PTGER3: variants seen among roughly 807,000 people sequenced by gnomAD.
PTGER3 encodes prostaglandin E receptor 3.
Under a neutral mutation model 34.7 loss-of-function variants are expected in PTGER3, and 22 were observed. The ratio of observed to expected loss-of-function variants is 0.63; its 90% CI spans 0.45 to 0.91. The LOEUF (loss-of-function observed/expected upper bound fraction) is 0.91, where lower values mean the gene tolerates loss of function less well. Among genes scored for constraint, PTGER3 ranks in the 40% least tolerant of loss-of-function variants. PTGER3 has a pLI of 0.00. For synonymous variants in PTGER3, 241 were observed against 230.1 expected, an observed-to-expected ratio of 1.05 and a Z score of -0.43; for missense variants, 468 against 519.4, an observed-to-expected ratio of 0.90 and a Z score of 0.96.
chr1:71,026,340 T>C (rs917471360), intron 1 of PTGER3, among the ~76,000 whole-genome samples: 20 of 152,172 alleles, frequency 1.3e-4, no homozygotes, highest in Non-Finnish European at 2.9e-5. Flanking sequence ...AAGCAACACA[T>C]AGGTGGCAGC....
chr1:70,969,307 C>T (rs971632044), downstream of PTGER3, among the ~76,000 whole-genome samples: 1 of 152,144 alleles, frequency 6.6e-6, no homozygotes, highest in African/African-American at 2.4e-5. Context: ...ATGACAACAA[C>T]CACTAACATG....
At chr1:70,953,103 TAAC>T (rs761910716) in intron 3 of PTGER3, 562 of 1,474,770 alleles carry the variant, frequency 3.8e-4, no homozygotes, top group Non-Finnish European at 4.8e-4. Context: ...TAATAAAAAA[TAAC>T]AATATGAAAA....
At chr1:70,924,288 T>C (rs1647840791) in intron 4 of PTGER3, among the ~76,000 whole-genome samples, 1 of 152,154 alleles carries the variant, frequency 6.6e-6, no homozygotes, top group Non-Finnish European at 1.5e-5. Context: ...AGGCCAAATA[T>C]AATAAAGCAA....
intron 2 of PTGER3, among the ~76,000 whole-genome samples, chr1:71,003,619 T>A (rs907396157): frequency 2.6e-5 from 4 of 152,230 alleles, no homozygotes; most frequent in African/African-American, 7.2e-5. Context: ...TTATTTCTTA[T>A]CATCACATGA....
At chr1:71,040,717 C>T (rs1303804930) in intron 1 of PTGER3, among the ~76,000 whole-genome samples, 1 of 152,162 alleles carries the variant, frequency 6.6e-6, no homozygotes, top group Non-Finnish European at 1.5e-5. Flanking sequence ...ACACACTGTA[C>T]TTGACCTTAG....
chr1:71,023,234 C>G (rs1300932023), intron 1 of PTGER3, among the ~76,000 whole-genome samples: 1 of 151,926 alleles, frequency 6.6e-6, no homozygotes, highest in Non-Finnish European at 1.5e-5. Context: ...ACGCCACAGT[C>G]TTACTTGTCT....
At chr1:70,875,378 G>A (rs1238959315) in intron 4 of PTGER3, among the ~76,000 whole-genome samples, 1 of 152,154 alleles carries the variant, frequency 6.6e-6, no homozygotes, top group Non-Finnish European at 1.5e-5. Flanking sequence ...AGTATATGGA[G>A]GATTGAACTT....
At chr1:70,964,937 A>G (rs1652355953) in intron 2 of PTGER3, among the ~76,000 whole-genome samples, 1 of 152,230 alleles carries the variant, frequency 6.6e-6, no homozygotes, top group Non-Finnish European at 1.5e-5. Context: ...TTGGATAGCA[A>G]AGAAGATGGA....
At chr1:71,018,288 A>G (rs1388244451) in intron 1 of PTGER3, among the ~76,000 whole-genome samples, 1 of 152,188 alleles carries the variant, frequency 6.6e-6, no homozygotes, top group East Asian at 1.9e-4. Flanking sequence ...GGAAACTTAA[A>G]AATAAATGAA....
intron 2 of PTGER3, among the ~76,000 whole-genome samples, chr1:70,993,366 TGC>T (rs200543989): frequency 6.6e-6 from 1 of 152,208 alleles, no homozygotes; most frequent in African/African-American, 2.4e-5. Flanking sequence ...AATATGTCTG[TGC>T]GATAGAGCTT....
intron 4 of PTGER3, among the ~76,000 whole-genome samples, chr1:70,863,286 G>A (rs1481528931): frequency 5.9e-5 from 9 of 152,102 alleles, no homozygotes; most frequent in African/African-American, 1.9e-4. Flanking sequence ...GATTGAAATA[G>A]CAAAGTGTGA....
At chr1:70,914,476 A>C (rs1325756895) in intron 4 of PTGER3, among the ~76,000 whole-genome samples, 1 of 151,914 alleles carries the variant, frequency 6.6e-6, no homozygotes, top group Admixed American at 6.6e-5. Flanking sequence ...TTTAATAATA[A>C]AAATATAAGC....
chr1:70,945,357 T>G (rs984809696), intron 4 of PTGER3, among the ~76,000 whole-genome samples: 1 of 152,114 alleles, frequency 6.6e-6, no homozygotes, highest in Non-Finnish European at 1.5e-5. Flanking sequence ...GAACTGTCAT[T>G]CATGGCTTTT....
At chr1:70,886,528 C>T (rs1179438574) in intron 4 of PTGER3, among the ~76,000 whole-genome samples, 2 of 152,220 alleles carry the variant, frequency 1.3e-5, no homozygotes, top group African/African-American at 4.8e-5. Flanking sequence ...CTTTCTCATT[C>T]ATTCAGGTTT....
intron 2 of PTGER3, among the ~76,000 whole-genome samples, chr1:70,987,226 GGA>G (rs1655009074): frequency 6.6e-6 from 1 of 152,140 alleles, no homozygotes; most frequent in Non-Finnish European, 1.5e-5. Flanking sequence ...GGAAGGAAAT[GGA>G]AACAATGTCA....
intron 4 of PTGER3, among the ~76,000 whole-genome samples, chr1:70,871,916 A>G (rs1316896574): frequency 6.6e-6 from 1 of 152,146 alleles, no homozygotes; most frequent in Non-Finnish European, 1.5e-5. Flanking sequence ...CCCCTCCCAC[A>G]TTCCATTTGA....
chr1:70,877,366 G>T (rs1270453749), intron 4 of PTGER3, among the ~76,000 whole-genome samples: 4 of 152,074 alleles, frequency 2.6e-5, no homozygotes, highest in African/African-American at 9.7e-5. Flanking sequence ...GAGACTATGG[G>T]TTTTTTCAGG....
intron 4 of PTGER3, among the ~76,000 whole-genome samples, chr1:70,865,256 C>G (rs12134247): frequency 0.15 from 22,653 of 151,984 alleles, 2,013 homozygotes; most frequent in African/African-American, 0.25. Flanking sequence ...GAACATGGGA[C>G]TATCAAAAGC....
At chr1:70,944,448 G>A (rs559161837) in intron 4 of PTGER3, among the ~76,000 whole-genome samples, 155 of 152,184 alleles carry the variant, frequency 1.0e-3, no homozygotes, top group Non-Finnish European at 1.8e-3. Flanking sequence ...CAGGGCAAAA[G>A]ACAGAAAAAC....
Sources: allele counts gnomAD v4.1 joint callset (sites outside exome capture counted in the v4.1 genomes callset), GRCh38; gene constraint gnomAD v4.1.1; transcripts MANE v1.5; gene names NCBI Gene and HGNC (gene_info 2026-07-23, HGNC 2026-07-21).